The following STAG3 variants were observed in gnomAD, a reference collection of about 807,000 sequenced individuals.
STAG3 encodes cohesin subunit SA-3.
Under a neutral mutation model 160.7 loss-of-function variants are expected in STAG3, and 101 were observed. The observed-to-expected ratio is 0.63, with a 90% CI of 0.54 to 0.74. The LOEUF is 0.74. STAG3 is among the 30% of genes least tolerant of loss of function. The pLI is 0.00. For synonymous variants in STAG3, 519 were observed against 585.0 expected (o/e 0.89, Z 1.63); for missense variants, 1,188 against 1,517.4 (o/e 0.78, Z 3.61).
At chr7:100,215,721 A>C (rs1419050746), downstream of STAG3, among the ~76,000 whole-genome samples, 1 of 152,194 alleles carries the variant, frequency 6.6e-6, no homozygotes, top group Non-Finnish European at 1.5e-5. Context: ...TCACAGCCTT[A>C]GAATCTGGGA....
Position 100,201,355 on chromosome 7 carries a change from A to C in STAG3, c.2220+4A>C. ...CACAGGAGAGGTTCCTCACCAGGTG[A>C]GTGGACAGGCTAGAGATGGGTTGGG... On this transcript the variant is annotated splice_donor_region_variant and intron_variant, in intron 21 of 33. Coordinates refer to ENST00000615138, the MANE Select transcript of STAG3 (RefSeq NM_001282717.2). The C allele has an allele frequency of 6.2e-7, 1 of 1,613,828 alleles. No homozygotes were observed. The highest frequency in any genetic ancestry group is 8.5e-7 in the Non-Finnish European group (1 of 1,179,814).
At position 100,214,201 on chromosome 7, in the gene STAG3, CCT is replaced by C. The variant is rs1802564915; in HGVS notation, c.*187_*188del. On this transcript the variant is annotated 3_prime_UTR_variant, in exon 34 of 34. Transcript: ENST00000615138. ...CTCTGGGGTAGAGAAGCCGAGAGAC[CCT>C]GTCCTCCCTAATGCACTGTGGCCCA... The C allele has an allele frequency of 1.3e-6, 1 of 758,640 alleles. No individual in the cohort carries two copies. Among genetic ancestry groups the C allele is most frequent in the Non-Finnish European group, 2.1e-6 (1 of 471,776 alleles). 47.0% of individuals were successfully genotyped at this position (758,640 alleles called of 1,614,324 possible).
intron 2 of STAG3, chr7:100,181,036 T>G (rs1799615756): frequency 5.7e-6 from 1 of 174,556 alleles, no homozygotes; most frequent in Admixed American, 5.8e-5. Flanking sequence ...TTAAACACAT[T>G]TCTATGTTCA....
At chr7:100,212,262 C>CTA in intron 32 of STAG3, 1 of 176,428 alleles carries the variant, frequency 5.7e-6, no homozygotes, top group Non-Finnish European at 1.2e-5. Context: ...CATCTCCCTA[C>CTA]TAGAGGGCTT....
In STAG3 at chr7:100,197,821, T is replaced by C. The variant is rs1467026883; in HGVS notation, c.1109T>C (p.Leu370Pro). 6.2e-7 allele frequency: 1 copy of C among 1,613,758 alleles called. No homozygotes were observed. Reference sequence around the variant, plus strand: ...AAGTGTGTGAAGGCCCTGAAAGGGCTGTACGGTAACCGGGACCTGACCACA... The same window carrying C: ...AAGTGTGTGAAGGCCCTGAAAGGGCCGTACGGTAACCGGGACCTGACCACA... ...RLKCVKALKG[L>P]YGNRDLTTRL... The change falls in exon 11 of 34, where the codon CTG becomes CCG. Residue 370 changes from leucine to proline, a missense_variant. Coordinates refer to ENST00000615138, the MANE Select transcript of STAG3 (RefSeq NM_001282717.2).
At chr7:100,216,861 A>C (rs1039191666), downstream of STAG3, among the ~76,000 whole-genome samples, 26 of 152,192 alleles carry the variant, frequency 1.7e-4, no homozygotes, top group African/African-American at 6.0e-4. Context: ...AATCAAGTGG[A>C]TTAGGTGCCT....
chr7:100,207,000 G>T (rs974200692), intron 29 of STAG3, among the ~76,000 whole-genome samples: 3 of 152,050 alleles, frequency 2.0e-5, no homozygotes, highest in African/African-American at 7.2e-5. Flanking sequence ...GGCCTTTTAT[G>T]TCCAGCTTCT....
chr7:100,209,451 G>T (rs1328305970), intron 29 of STAG3, among the ~76,000 whole-genome samples: 1 of 152,192 alleles, frequency 6.6e-6, no homozygotes, highest in Non-Finnish European at 1.5e-5. Context: ...TAGGACATGA[G>T]ACCAAAGAGG....
intron 28 of STAG3, 37 bp from the exon 29 acceptor site, chr7:100,205,190 T>G (rs1168909156): frequency 6.2e-6 from 10 of 1,613,412 alleles, no homozygotes; most frequent in Non-Finnish European, 7.6e-6. Flanking sequence ...GAGGGCCCAG[T>G]AGCCCCTTCA....
chr7:100,215,333 A>C (rs544140071), downstream of STAG3, among the ~76,000 whole-genome samples: 33 of 151,616 alleles, frequency 2.2e-4, no homozygotes, highest in African/African-American at 7.8e-4. Context: ...CGCCCCTTTC[A>C]TTCTCCCTCC....
At chr7:100,183,539 G>T (rs1025373484) in intron 4 of STAG3, among the ~76,000 whole-genome samples, 4 of 152,126 alleles carry the variant, frequency 2.6e-5, no homozygotes, top group Admixed American at 2.6e-4. Context: ...ATACCCGAAA[G>T]TGTACAAAGC....
At chr7:100,211,942 G>T in intron 32 of STAG3, 66 bp downstream of exon 32, 1 of 1,485,730 alleles carries the variant, frequency 6.7e-7, no homozygotes, top group Non-Finnish European at 9.3e-7. Flanking sequence ...AGAAGCCAGG[G>T]TGTTTCCCCT....
In STAG3 at chr7:100,202,222, T is replaced by A. The variant is rs1043915; in HGVS notation, c.2445T>A (p.Ile815=). 463,271 of 1,613,746 alleles carry A rather than the reference T, an allele frequency of 0.29. 72,137 individuals are homozygous for A. The highest frequency in any genetic ancestry group is 0.61 in the East Asian group (27,147 of 44,868). The change falls in exon 24 of 34, where the codon ATT becomes ATA. Residue 815 remains isoleucine (I), a synonymous_variant. Transcript: ENST00000615138. ...TTCTCATCTTTAGCCCTCAGATGAT[T>A]GTTGGGGGCCGTGATTTCCTTAGGC... ...DLLLIFSPQM[I]VGGRDFLRPL...
downstream of STAG3, among the ~76,000 whole-genome samples, chr7:100,216,025 C>T (rs887848975): frequency 6.6e-6 from 1 of 152,180 alleles, no homozygotes; most frequent in African/African-American, 2.4e-5. Context: ...GAGGTCCCAG[C>T]CAACATCCAT....
chr7:100,206,045 T>C (rs1378441901), intron 29 of STAG3, among the ~76,000 whole-genome samples: 1 of 152,032 alleles, frequency 6.6e-6, no homozygotes. Context: ...GATGGAGTCT[T>C]GCTCTGTTGC....
Position 100,213,993 on chromosome 7 carries a change from C to T in STAG3, c.3673-14C>T, listed in dbSNP as rs750973948. ...GCTGTGTCCTGTGTATTCCTTTCAT[C>T]TTTCTCATTATAGGATTTCTGACAG... On this transcript the variant is annotated splice_polypyrimidine_tract_variant and intron_variant, in intron 33 of 33. Coordinates refer to ENST00000615138, the MANE Select transcript of STAG3 (RefSeq NM_001282717.2). 8.7e-6 allele frequency: 14 copies of T among 1,614,020 alleles called. No homozygotes were observed. In the South Asian group the frequency reaches 9.9e-5, roughly 11 times the overall value.
At position 100,197,854 on chromosome 7, in the gene STAG3, A is replaced by G. The variant is rs772412697; in HGVS notation, c.1142A>G (p.Glu381Gly). 1 of 1,613,520 alleles carries G rather than the reference A, an allele frequency of 6.2e-7. No individual in the cohort carries two copies. Among genetic ancestry groups the G allele is most frequent in the African/African-American group, 1.3e-5 (1 of 74,816 alleles). ...AACCGGGACCTGACCACACGCCTGG[A>G]GCTCTTCACCAGCCGCTTCAAGGTA... Reference protein sequence around the residue: ...YGNRDLTTRLELFTSRFKDRM... With the variant: ...YGNRDLTTRLGLFTSRFKDRM... Residue 381 changes from glutamate to glycine, a missense_variant, in exon 11 of 34, where the codon GAG becomes GGG. Physicochemically the swap from Glu to Gly is moderately conservative, Grantham distance 98 (BLOSUM62 -2). Coordinates refer to ENST00000615138, the MANE Select transcript of STAG3 (RefSeq NM_001282717.2).
intron 25 of STAG3, 73 bp downstream of exon 25, chr7:100,202,663 G>A: frequency 6.5e-7 from 1 of 1,548,966 alleles, no homozygotes; most frequent in Non-Finnish European, 8.7e-7. Context: ...AAACATAATA[G>A]CACTACAGGT....
At chr7:100,184,064 G>A (rs922837389) in intron 4 of STAG3, among the ~76,000 whole-genome samples, 1 of 152,152 alleles carries the variant, frequency 6.6e-6, no homozygotes. Flanking sequence ...CCAGGAGTTT[G>A]AGACCAGCCT....
Sources: gnomAD v4.1 joint callset for allele counts (sites outside exome capture counted in the v4.1 genomes callset) on GRCh38, gnomAD v4.1.1 for gene constraint, MANE v1.5 for transcripts, NCBI Gene and HGNC (gene_info 2026-07-23, HGNC 2026-07-21) for gene names.